DCC: variants seen among roughly 807,000 people sequenced by gnomAD.
DCC encodes netrin receptor DCC.
Under a neutral mutation model 172.5 loss-of-function variants are expected in DCC, and 58 were observed. The ratio of observed to expected loss-of-function variants is 0.34; its 90% confidence interval spans 0.27 to 0.42. The LOEUF is 0.42. Ranked by LOEUF, DCC falls within the 10% of genes least tolerant of loss-of-function variation. The probability of loss-of-function intolerance (pLI) is 1.00; values close to 1 mark genes in which losing one functional copy is unlikely to be tolerated. For missense variants in DCC, 1,740 were observed against 1,791.0 expected, an observed-to-expected ratio of 0.97 and a Z score of 0.51; for synonymous variants, 709 against 644.5, an observed-to-expected ratio of 1.10 and a Z score of -1.52.
chr18:53,009,916 T>A (rs1460044695), intron 5 of DCC, among the ~76,000 whole-genome samples: 1 of 151,914 alleles, frequency 6.6e-6, no homozygotes, highest in African/African-American at 2.4e-5. Context: ...TATTGTTGAA[T>A]ACCCAGAGTG....
intron 2 of DCC, among the ~76,000 whole-genome samples, chr18:52,802,178 T>C (rs2038001868): frequency 6.6e-6 from 1 of 152,150 alleles, no homozygotes. Context: ...TACTTCAAGA[T>C]AGTCAAATTA....
At chr18:52,842,060 A>T (rs2038816456) in intron 2 of DCC, among the ~76,000 whole-genome samples, 1 of 152,154 alleles carries the variant, frequency 6.6e-6, no homozygotes, top group Non-Finnish European at 1.5e-5. Flanking sequence ...GACCATAAAA[A>T]GTATTGCATT....
chr18:52,669,635 G>A (rs374795602), intron 1 of DCC, among the ~76,000 whole-genome samples: 1 of 152,038 alleles, frequency 6.6e-6, no homozygotes, highest in Non-Finnish European at 1.5e-5. Context: ...GCAAATACAC[G>A]GTGCATATAT....
chr18:53,249,898 C>A (rs934573319), intron 12 of DCC, among the ~76,000 whole-genome samples: 1 of 151,828 alleles, frequency 6.6e-6, no homozygotes, highest in African/African-American at 2.4e-5. Context: ...GTATGTTGCT[C>A]TCTTATAATC....
At chr18:52,600,863 T>C (rs1173848308) in intron 1 of DCC, among the ~76,000 whole-genome samples, 1 of 152,128 alleles carries the variant, frequency 6.6e-6, no homozygotes, top group Non-Finnish European at 1.5e-5. Context: ...TTGTGGCTTG[T>C]AAAATATTCT....
At chr18:52,635,730 C>T (rs1266055847) in intron 1 of DCC, among the ~76,000 whole-genome samples, 4 of 152,154 alleles carry the variant, frequency 2.6e-5, no homozygotes, top group African/African-American at 9.7e-5. Flanking sequence ...TCCTGACTCA[C>T]GTTCCATTCT....
At position 52,837,637 on chromosome 18, in the gene DCC, G is replaced by A. The variant is rs552062750; in HGVS notation, c.413-68407G>A. 6.6e-5 allele frequency among the ~76,000 whole-genome samples: 10 copies of A among 152,206 alleles called. No homozygotes were observed. In the South Asian group the frequency reaches 2.1e-3, roughly 32 times the overall value. On this transcript the variant is annotated intron_variant, in intron 2 of 28. Coordinates refer to ENST00000442544, the MANE Select transcript of DCC (RefSeq NM_005215.4). Reference sequence around the variant, plus strand: ...TCAAAGCCATTCAACAAGTCTCTAGGAAGTTCCAAACTTTCCCATATTTTC... The same window carrying A: ...TCAAAGCCATTCAACAAGTCTCTAGAAAGTTCCAAACTTTCCCATATTTTC...
intron 9 of DCC, among the ~76,000 whole-genome samples, chr18:53,190,562 T>C (rs748082326): frequency 6.6e-6 from 1 of 151,938 alleles, no homozygotes; most frequent in African/African-American, 2.4e-5. Context: ...TTAATTACCT[T>C]TTGATAACAG....
intron 11 of DCC, among the ~76,000 whole-genome samples, chr18:53,208,991 A>G (rs1160995637): frequency 6.6e-6 from 1 of 152,210 alleles, no homozygotes; most frequent in Non-Finnish European, 1.5e-5. Context: ...TTGGCCTCAC[A>G]TAGTGCTGGG....
chr18:52,555,858 T>A (rs986182167), intron 1 of DCC, among the ~76,000 whole-genome samples: 1 of 152,174 alleles, frequency 6.6e-6, no homozygotes, highest in Non-Finnish European at 1.5e-5. Context: ...AGAAATCATT[T>A]ATTCCTCTTC....
At chr18:52,953,757 G>A (rs926296350) in intron 5 of DCC, among the ~76,000 whole-genome samples, 1 of 152,136 alleles carries the variant, frequency 6.6e-6, no homozygotes, top group Non-Finnish European at 1.5e-5. Context: ...TGATCTAAAG[G>A]GCTCAAACAC....
chr18:52,626,096 C>T lies in DCC; in HGVS notation c.92-125958C>T, dbSNP rs539214667. Among the ~76,000 whole-genome samples, 26 of 152,274 alleles carry T rather than the reference C, an allele frequency of 1.7e-4. No homozygotes were observed. In the South Asian group the frequency reaches 5.2e-3, roughly 30 times the overall value. On this transcript the variant is annotated intron_variant, in intron 1 of 28. Coordinates refer to ENST00000442544, the MANE Select transcript of DCC (RefSeq NM_005215.4). Reference sequence around the variant, plus strand: ...ATTTAGAAGCTCTAATGACAACCAGCATGTTTCTCTCCAGTCCTGCCCTCA... The same window carrying T: ...ATTTAGAAGCTCTAATGACAACCAGTATGTTTCTCTCCAGTCCTGCCCTCA...
At chr18:52,372,650 A>G (rs1280674129) in intron 1 of DCC, among the ~76,000 whole-genome samples, 1 of 152,160 alleles carries the variant, frequency 6.6e-6, no homozygotes, top group African/African-American at 2.4e-5. Context: ...ATGCATTTGT[A>G]TGATTTAGTT....
intron 28 of DCC, among the ~76,000 whole-genome samples, chr18:53,527,816 T>C (rs1376987429): frequency 6.6e-6 from 1 of 152,094 alleles, no homozygotes; most frequent in African/African-American, 2.4e-5. Context: ...AGAGAAAACA[T>C]TTAAAAGAAG....
intron 7 of DCC, among the ~76,000 whole-genome samples, chr18:53,093,988 G>A (rs542920138): frequency 4.7e-4 from 72 of 152,268 alleles, no homozygotes; most frequent in African/African-American, 1.7e-3. Flanking sequence ...TACCTTGGTA[G>A]TGAGATTAAA....
chr18:52,385,418 G>A (rs1331178974), intron 1 of DCC, among the ~76,000 whole-genome samples: 4 of 152,014 alleles, frequency 2.6e-5, no homozygotes, highest in Non-Finnish European at 2.9e-5. Context: ...TAGGACTACA[G>A]GCCCCCAACA....
At chr18:52,818,593 T>C (rs142674579) in intron 2 of DCC, among the ~76,000 whole-genome samples, 1 of 151,452 alleles carries the variant, frequency 6.6e-6, no homozygotes, top group East Asian at 1.9e-4. Flanking sequence ...CTAAAAGATA[T>C]AAAATTGAAT....
Position 53,066,425 on chromosome 18 carries a change from G to GTATA in DCC, c.1261+274_1261+277dup, listed in dbSNP as rs147709000. On this transcript the variant is annotated intron_variant, in intron 7 of 28. Transcript: ENST00000442544. ...TGCATGTGTGTATGTGTGTGTTTGTGTATATATATATATATATAAAATCTC... is the reference window on the plus strand; with the variant it reads ...TGCATGTGTGTATGTGTGTGTTTGTGTATATATATATATATATATATAAAATCTC... 2.3e-3 allele frequency among the ~76,000 whole-genome samples: 309 copies of GTATA among 133,908 alleles called. 2 individuals are homozygous for GTATA. The highest frequency in any genetic ancestry group is 7.9e-3 in the African/African-American group (295 of 37,226). The allele number at this position is 133,908 out of a possible 152,430, so 87.8% of individuals were successfully genotyped here.
At chr18:52,525,696 G>A (rs2031960845) in intron 1 of DCC, among the ~76,000 whole-genome samples, 3 of 152,188 alleles carry the variant, frequency 2.0e-5, no homozygotes, top group Admixed American at 2.0e-4. Context: ...TTGACAAATA[G>A]ATGCTGATTA....
Sources: gnomAD v4.1 joint callset for allele counts (sites outside exome capture counted in the v4.1 genomes callset) on GRCh38, gnomAD v4.1.1 for gene constraint, MANE v1.5 for transcripts, NCBI Gene and HGNC (gene_info 2026-07-23, HGNC 2026-07-21) for gene names.